The following KIF2A variants were observed in gnomAD, a reference collection of about 807,000 sequenced individuals.
The protein encoded by KIF2A is kinesin family member 2A.
KIF2A carries 22 observed loss-of-function variants against 100.2 expected under a neutral mutation model. The observed-to-expected ratio is 0.22, with a 90% CI of 0.16 to 0.31. The LOEUF is 0.31. Among genes scored for constraint, KIF2A ranks in the 10% least tolerant of loss-of-function variants. KIF2A has a pLI of 1.00. For synonymous variants in KIF2A, 268 were observed against 285.9 expected (o/e 0.94, Z 0.63); for missense variants, 495 against 898.7 (o/e 0.55, Z 5.74).
chr5:62,361,785 G>A (rs958492553), intron 11 of KIF2A, among the ~76,000 whole-genome samples: 6 of 151,874 alleles, frequency 4.0e-5, no homozygotes, highest in Admixed American at 3.9e-4. Flanking sequence ...ACTTTGGGAG[G>A]CCAAGGTGGG....
In KIF2A at chr5:62,309,557, T is replaced by C. The variant is rs111244915; in HGVS notation, c.64+3021T>C. Among the ~76,000 whole-genome samples the C allele has an allele frequency of 8.5e-3, 1,292 of 152,336 alleles. 18 individuals carry two copies. Among genetic ancestry groups the C allele is most frequent in the African/African-American group, 0.029 (1,223 of 41,572 alleles). On this transcript the variant is annotated intron_variant, in intron 1 of 20. Coordinates refer to ENST00000407818, the MANE Select transcript of KIF2A (RefSeq NM_001098511.3). ...CTTCCTCTCACTTCCATAACGTCTA[T>C]ATTGGATAAAACACTAGTGGTTATT...
intron 9 of KIF2A, among the ~76,000 whole-genome samples, chr5:62,359,133 A>T (rs992473768): frequency 1.3e-5 from 2 of 152,230 alleles, no homozygotes; most frequent in African/African-American, 4.8e-5. Context: ...TCTGTATTCA[A>T]CTTAAAAATA....
At chr5:62,323,611 T>C (rs1746218877) in intron 1 of KIF2A, among the ~76,000 whole-genome samples, 1 of 152,124 alleles carries the variant, frequency 6.6e-6, no homozygotes, top group East Asian at 1.9e-4. Flanking sequence ...GTTGATAGGA[T>C]AGCTAGAATT....
intron 1 of KIF2A, among the ~76,000 whole-genome samples, chr5:62,312,534 T>G (rs1745604466): frequency 6.6e-6 from 1 of 152,226 alleles, no homozygotes; most frequent in Non-Finnish European, 1.5e-5. Context: ...AGGTGTTTGT[T>G]TATTTGTTTG....
chr5:62,315,992 A>G (rs975144549), intron 1 of KIF2A, among the ~76,000 whole-genome samples: 6 of 152,242 alleles, frequency 3.9e-5, no homozygotes, highest in African/African-American at 1.4e-4. Flanking sequence ...GCAAAGTCTG[A>G]GTATAGCTTT....
At chr5:62,365,379 G>C in intron 15 of KIF2A, 26 bp downstream of exon 15, 1 of 1,220,176 alleles carries the variant, frequency 8.2e-7, no homozygotes, top group South Asian at 1.3e-5. Flanking sequence ...TTTTTTGTTT[G>C]TTTTATTTTA....
At chr5:62,335,158 T>C (rs34265209) in intron 1 of KIF2A, among the ~76,000 whole-genome samples, 1 of 152,210 alleles carries the variant, frequency 6.6e-6, no homozygotes, top group Non-Finnish European at 1.5e-5. Context: ...AGGAGACTCC[T>C]TCCCAGGTTT....
chr5:62,382,745 T>G (rs1204907963), intron 20 of KIF2A, among the ~76,000 whole-genome samples: 2 of 151,310 alleles, frequency 1.3e-5, no homozygotes, highest in African/African-American at 4.9e-5. Flanking sequence ...GCAATTTTCC[T>G]GCCTCAGCCT....
rs151251804 is a variant in KIF2A at position 62,379,106 on chromosome 5, T to C, written c.2013+1344T>C. ...GCCTAGGCAACATGGCAAAACCCCA[T>C]CTCTATTTAAAAACAAAAAGAAAAG... is the stretch of plus-strand genomic sequence containing the variant. On this transcript the variant is annotated intron_variant, in intron 19 of 20. Transcript: ENST00000407818. Among the ~76,000 whole-genome samples the C allele has an allele frequency of 1.5e-3, 221 of 151,994 alleles. 1 individual carries two copies. Among genetic ancestry groups the C allele is most frequent in the African/African-American group, 5.0e-3 (206 of 41,444 alleles).
At chr5:62,370,777 AAGAGTGATT>A (rs1436278323) in intron 16 of KIF2A, among the ~76,000 whole-genome samples, 3 of 152,144 alleles carry the variant, frequency 2.0e-5, no homozygotes, top group South Asian at 2.1e-4. Context: ...TCTTGGGTAG[AAGAGTGATT>A]AGAGTGATTA....
chr5:62,312,278 G>A (rs1745590179), intron 1 of KIF2A, among the ~76,000 whole-genome samples: 1 of 152,206 alleles, frequency 6.6e-6, no homozygotes, highest in Admixed American at 6.5e-5. Context: ...TATGTGTCAT[G>A]ATTGTTAAAA....
Position 62,362,460 on chromosome 5 carries a change from CT to C in KIF2A, c.1043del (p.Leu348Ter). 1.4e-6 allele frequency: 2 copies of C among 1,434,898 alleles called. No individual in the cohort carries two copies. Among genetic ancestry groups the C allele is most frequent in the Admixed American group, 3.0e-5 (1 of 33,786 alleles). The allele number at this position is 1,434,898 out of a possible 1,614,324, so 88.9% of individuals were successfully genotyped here. A position where few individuals can be genotyped will look rare whatever the true frequency, so the allele number is the denominator to read the frequency against. On this transcript the variant is annotated frameshift_variant, in exon 12 of 21. Coordinates refer to ENST00000407818, the MANE Select transcript of KIF2A (RefSeq NM_001098511.3). LOFTEE classifies it high-confidence loss of function. ...TGAAATTTTTGACAGCTCGAGATGT[CT>C]TTTTAATGCTAAAGAAGCCAAACTA... ...GIYALAARDV[F>X]LMLKKPNYKK...
intron 10 of KIF2A, 53 bp downstream of exon 10, chr5:62,361,385 T>A: frequency 6.8e-7 from 1 of 1,460,402 alleles, no homozygotes; most frequent in Admixed American, 1.7e-5. Flanking sequence ...TTTCTTTTCC[T>A]TATAGCTTAA....
intron 9 of KIF2A, 44 bp from the exon 10 acceptor site, chr5:62,361,198 A>G (rs1378695299): frequency 1.9e-6 from 2 of 1,070,200 alleles, no homozygotes; most frequent in East Asian, 2.5e-5. Flanking sequence ...ATTATTCATC[A>G]AAATATTGGT....
chr5:62,381,203 A>C lies in KIF2A; in HGVS notation c.2099A>C (p.Gln700Pro). 6.2e-7 allele frequency: 1 copy of C among 1,610,390 alleles called. No homozygotes were observed. Among genetic ancestry groups the C allele is most frequent in the Non-Finnish European group, 8.5e-7 (1 of 1,176,708 alleles). Residue 700 changes from glutamine to proline, a missense_variant, in exon 20 of 21, where the codon CAA becomes CCA. Gln to Pro is a moderately conservative substitution (Grantham distance 76). Coordinates refer to ENST00000407818, the MANE Select transcript of KIF2A (RefSeq NM_001098511.3). ...TATGATGTCGATTCATATGCTACACAACTTGAAGCTATTCTTGAGCAAAAA... is the reference window on the plus strand; with the variant it reads ...TATGATGTCGATTCATATGCTACACCACTTGAAGCTATTCTTGAGCAAAAA... The part of the protein sequence containing the change: ...VDYDVDSYAT[Q>P]LEAILEQKID...
At position 62,306,525 on chromosome 5, in the gene KIF2A, A is replaced by G; in HGVS notation, c.53A>G (p.Lys18Arg). The G allele has an allele frequency of 6.5e-7, 1 of 1,546,018 alleles. No individual in the cohort carries two copies. Among genetic ancestry groups the G allele is most frequent in the Non-Finnish European group, 8.7e-7 (1 of 1,144,966 alleles). Residue 18 changes from lysine (K) to arginine (R), a missense_variant, in exon 1 of 21, where the codon AAG (lysine) becomes AGG (arginine). This residue lies in a region of KIF2A where 2 missense variants were observed against 19.4 expected (regional missense o/e 0.10). Coordinates refer to ENST00000407818, the MANE Select transcript of KIF2A (RefSeq NM_001098511.3). ...CAGATCGGGATTTACGTGGAGATCAAGCGCAGCGATGGTGAGCCGCGCTGC... is the reference window on the plus strand; with the variant it reads ...CAGATCGGGATTTACGTGGAGATCAGGCGCAGCGATGGTGAGCCGCGCTGC... ...KIQIGIYVEI[K>R]RSDGRIHQAM...
At chr5:62,381,669 G>A (rs1363339798) in intron 20 of KIF2A, among the ~76,000 whole-genome samples, 1 of 152,188 alleles carries the variant, frequency 6.6e-6, no homozygotes, top group Middle Eastern at 3.2e-3. Context: ...TGCTCAAGCA[G>A]TCCTCCCACC....
At chr5:62,351,247 A>AT (rs1268838433) in intron 4 of KIF2A, among the ~76,000 whole-genome samples, 39 of 149,490 alleles carry the variant, frequency 2.6e-4, no homozygotes, top group South Asian at 1.0e-3. Flanking sequence ...TAAATAAATA[A>AT]ATAATATAAT....
intron 1 of KIF2A, among the ~76,000 whole-genome samples, chr5:62,330,830 G>A (rs1188631690): frequency 1.3e-5 from 2 of 152,106 alleles, no homozygotes; most frequent in Non-Finnish European, 1.5e-5. Flanking sequence ...TGGCAGGTAA[G>A]CTAGATTTTC....
Sources: gnomAD v4.1 joint callset for allele counts (sites outside exome capture counted in the v4.1 genomes callset) on GRCh38, gnomAD v4.1.1 for gene constraint, gnomAD v4.1.1 regional missense constraint, MANE v1.5 for transcripts, NCBI Gene and HGNC (gene_info 2026-07-23, HGNC 2026-07-21) for gene names.